The following KCND2 variants were observed in gnomAD, a reference collection of about 807,000 sequenced individuals.
KCND2 encodes A-type voltage-gated potassium channel KCND2.
KCND2 carries 16 observed loss-of-function variants against 54.4 expected under a neutral mutation model. The ratio of observed to expected loss-of-function variants is 0.29; its 90% CI spans 0.20 to 0.45. The LOEUF (loss-of-function observed/expected upper bound fraction) is 0.45. KCND2 is among the 20% of genes least tolerant of loss of function. The pLI, the probability that KCND2 is intolerant of heterozygous loss-of-function variation, is 1.00. For missense variants in KCND2, 486 were observed against 824.2 expected, an observed-to-expected ratio of 0.59 and a Z score of 5.02; for synonymous variants, 317 against 310.7, an observed-to-expected ratio of 1.02 and a Z score of -0.21.
At chr7:120,470,797 A>G (rs1584792458) in intron 1 of KCND2, among the ~76,000 whole-genome samples, 1 of 151,898 alleles carries the variant, frequency 6.6e-6, no homozygotes, top group African/African-American at 2.4e-5. Flanking sequence ...CTATAATATT[A>G]TGTATTTCAT....
chr7:120,593,534 C>G (rs1024855475), intron 1 of KCND2, among the ~76,000 whole-genome samples: 22 of 152,112 alleles, frequency 1.4e-4, no homozygotes, highest in African/African-American at 5.3e-4. Context: ...CACCTCCTAG[C>G]TACAAACCGA....
At chr7:120,426,016 A>C (rs1191743879) in intron 1 of KCND2, among the ~76,000 whole-genome samples, 1 of 151,882 alleles carries the variant, frequency 6.6e-6, no homozygotes, top group Non-Finnish European at 1.5e-5. Flanking sequence ...AGCACCTGTT[A>C]ATTTCCCTCT....
chr7:120,557,032 C>A (rs1442195822), intron 1 of KCND2, among the ~76,000 whole-genome samples: 1 of 152,128 alleles, frequency 6.6e-6, no homozygotes. Flanking sequence ...TATCTCCGAA[C>A]TTTGTAGGAT....
chr7:120,273,232 G>A lies in KCND2; in HGVS notation c.-1401G>A, dbSNP rs1005246514. Among the ~76,000 whole-genome samples, 5 of 151,968 alleles carry A rather than the reference G, an allele frequency of 3.3e-5. No homozygotes were observed. Among genetic ancestry groups the A allele is most frequent in the Non-Finnish European group, 5.9e-5 (4 of 67,948 alleles). On this transcript the variant is annotated 5_prime_UTR_variant, in exon 1 of 6. Coordinates refer to ENST00000331113, the MANE Select transcript of KCND2 (RefSeq NM_012281.3). ...TTTATTTATTTTCTCCTTATTTATT[G>A]ATCGCACTAGCAGAGCAGCGCGGGG...
At chr7:120,585,630 A>T (rs1196107614) in intron 1 of KCND2, among the ~76,000 whole-genome samples, 1 of 152,060 alleles carries the variant, frequency 6.6e-6, no homozygotes, top group Non-Finnish European at 1.5e-5. Flanking sequence ...GAGAGTAGGA[A>T]ATAAGTAGAG....
intron 1 of KCND2, among the ~76,000 whole-genome samples, chr7:120,397,083 A>G (rs1176339481): frequency 6.6e-6 from 1 of 152,028 alleles, no homozygotes; most frequent in African/African-American, 2.4e-5. Flanking sequence ...CCCTATATCT[A>G]TGAACAGACA....
chr7:120,735,801 T>C (rs546887645), intron 2 of KCND2, among the ~76,000 whole-genome samples: 22 of 152,164 alleles, frequency 1.4e-4, no homozygotes, highest in Middle Eastern at 3.4e-3. Flanking sequence ...TAAAATATAA[T>C]AACCAAGTAT....
At chr7:120,577,742 C>T (rs10270911) in intron 1 of KCND2, among the ~76,000 whole-genome samples, 17,338 of 152,014 alleles carry the variant, frequency 0.11, 1,568 homozygotes, top group African/African-American at 0.26. Context: ...CCTGTCACCA[C>T]GCCCGGCTAA....
At chr7:120,466,473 A>G (rs192590474) in intron 1 of KCND2, among the ~76,000 whole-genome samples, 3 of 152,258 alleles carry the variant, frequency 2.0e-5, no homozygotes, top group Admixed American at 2.0e-4. Flanking sequence ...CTACCTGAGG[A>G]CAACCAGCAC....
intron 1 of KCND2, among the ~76,000 whole-genome samples, chr7:120,730,357 A>AT (rs1207505065): frequency 4.6e-5 from 7 of 152,224 alleles, no homozygotes; most frequent in Non-Finnish European, 1.0e-4. Flanking sequence ...TGACAGATAC[A>AT]TAATTTGGCT....
chr7:120,284,907 A>T (rs770146535), intron 1 of KCND2, among the ~76,000 whole-genome samples: 3 of 152,188 alleles, frequency 2.0e-5, no homozygotes, highest in Non-Finnish European at 4.4e-5. Flanking sequence ...GTGTATGTGC[A>T]GGTCTAAAAG....
chr7:120,484,329 A>AT (rs898890210), intron 1 of KCND2, among the ~76,000 whole-genome samples: 1 of 151,990 alleles, frequency 6.6e-6, no homozygotes, highest in African/African-American at 2.4e-5. Context: ...CTAATTTTCT[A>AT]TTTTTTGTAG....
chr7:120,407,243 T>A (rs1801374979), intron 1 of KCND2, among the ~76,000 whole-genome samples: 1 of 151,656 alleles, frequency 6.6e-6, no homozygotes, highest in South Asian at 2.1e-4. Flanking sequence ...GGAAATACTG[T>A]TTTTTTTGTC....
chr7:120,697,530 T>C (rs1402853323), intron 1 of KCND2, among the ~76,000 whole-genome samples: 1 of 152,210 alleles, frequency 6.6e-6, no homozygotes, highest in Non-Finnish European at 1.5e-5. Context: ...TTTTTTGCTG[T>C]ATACTTTAAT....
intron 1 of KCND2, among the ~76,000 whole-genome samples, chr7:120,516,366 A>G (rs1271793328): frequency 6.6e-6 from 1 of 152,130 alleles, no homozygotes; most frequent in Non-Finnish European, 1.5e-5. Flanking sequence ...AATTACATGT[A>G]TCCGTCCATA....
chr7:120,555,989 G>T (rs1020832590), intron 1 of KCND2, among the ~76,000 whole-genome samples: 2 of 152,274 alleles, frequency 1.3e-5, no homozygotes, highest in Middle Eastern at 3.4e-3. Context: ...GTTTAAAACT[G>T]AGAAAAACAG....
chr7:120,415,659 G>C (rs934587675), intron 1 of KCND2, among the ~76,000 whole-genome samples: 1 of 152,018 alleles, frequency 6.6e-6, no homozygotes, highest in African/African-American at 2.4e-5. Flanking sequence ...TCATTCTGTA[G>C]TCTTCTCCAG....
chr7:120,464,075 G>A lies in KCND2; in HGVS notation c.1115+188328G>A, dbSNP rs1371315987. 3 of 979,626 alleles carry A rather than the reference G, an allele frequency of 3.1e-6. No individual in the cohort carries two copies. In the African/African-American group the frequency reaches 5.4e-5, roughly 17 times the overall value. 60.7% of individuals were successfully genotyped at this position (979,626 alleles called of 1,614,324 possible). On this transcript the variant is annotated intron_variant, in intron 1 of 5. Coordinates refer to ENST00000331113, the MANE Select transcript of KCND2 (RefSeq NM_012281.3). ...TGCTTTCCAGAAGAGCATATACCAA[G>A]CCACCCCAAAGCACATCACAGGATT...
At chr7:120,678,855 A>G (rs984774885) in intron 1 of KCND2, among the ~76,000 whole-genome samples, 2 of 150,252 alleles carry the variant, frequency 1.3e-5, no homozygotes, top group Admixed American at 6.7e-5. Flanking sequence ...AGTTGTGTAT[A>G]TGTTTACATT....
Sources: gnomAD v4.1 joint callset for allele counts (sites outside exome capture counted in the v4.1 genomes callset) on GRCh38, gnomAD v4.1.1 for gene constraint, MANE v1.5 for transcripts, NCBI Gene and HGNC (gene_info 2026-07-23, HGNC 2026-07-21) for gene names.